The following GALM variants were observed in gnomAD, a reference collection of about 807,000 sequenced individuals.
GALM encodes the protein galactose mutarotase.
GALM carries 43 observed loss-of-function variants against 37.4 expected under a neutral mutation model. That is an observed-to-expected ratio of 1.15 (90% CI 0.90 to 1.48). The LOEUF is 1.48. Ranked by LOEUF, GALM falls within the 40% of genes most tolerant of loss-of-function variation. The pLI is 0.00. For missense variants in GALM, 456 were observed against 419.1 expected (o/e 1.09, Z -0.77); for synonymous variants, 199 against 170.6 (o/e 1.17, Z -1.30).
At chr2:38,671,085 G>C (rs1423186090) in intron 1 of GALM, among the ~76,000 whole-genome samples, 2 of 141,218 alleles carry the variant, frequency 1.4e-5, no homozygotes, top group Non-Finnish European at 3.0e-5. Flanking sequence ...CCCAGGAAAG[G>C]GGGAAGCGTT....
At position 38,681,298 on chromosome 2, in the gene GALM, G is replaced by T; in HGVS notation, c.364G>T (p.Val122Leu). 6.2e-7 allele frequency: 1 copy of T among 1,613,406 alleles called. No homozygotes were observed. Among genetic ancestry groups the T allele is most frequent in the Non-Finnish European group, 8.5e-7 (1 of 1,180,006 alleles). ...GFDKVLWTPRVLSNGVQFSRI... is the reference protein window; with the variant it reads ...GFDKVLWTPRLLSNGVQFSRI... ...TTTCCAGGTGCTCTGGACCCCTCGGGTGCTGTCAAATGGCGTCCAGTTCTC... is the reference window on the plus strand; with the variant it reads ...TTTCCAGGTGCTCTGGACCCCTCGGTTGCTGTCAAATGGCGTCCAGTTCTC... Residue 122 changes from valine to leucine, a missense_variant, in exon 3 of 7, where the codon GTG becomes TTG. Val to Leu is a conservative substitution (Grantham distance 32). Coordinates refer to ENST00000272252, the MANE Select transcript of GALM (RefSeq NM_138801.3).
intron 1 of GALM, among the ~76,000 whole-genome samples, chr2:38,667,970 A>G (rs564661103): frequency 6.6e-6 from 1 of 152,358 alleles, no homozygotes; most frequent in South Asian, 2.1e-4. Context: ...GGGGAGGCCA[A>G]GAAAAATCTG....
chr2:38,666,451 A>T (rs573297367), intron 1 of GALM, 100 bp downstream of exon 1: 2 of 916,362 alleles, frequency 2.2e-6, no homozygotes, highest in Non-Finnish European at 3.3e-6. Context: ...ACCAAGGGGG[A>T]AAGTCGCCTA....
At chr2:38,725,636 G>A (rs1226314901) in intron 4 of GALM, among the ~76,000 whole-genome samples, 1 of 152,166 alleles carries the variant, frequency 6.6e-6, no homozygotes, top group Non-Finnish European at 1.5e-5. Flanking sequence ...GATCACTTGA[G>A]CATAGCAGGA....
Position 38,722,090 on chromosome 2 carries a change from C to T in GALM, c.635-7466C>T, listed in dbSNP as rs373574478. On this transcript the variant is annotated intron_variant, in intron 4 of 6. Coordinates refer to ENST00000272252, the MANE Select transcript of GALM (RefSeq NM_138801.3). Reference sequence around the variant, plus strand: ...AGCGCATCATGCGGGCCGGGTGAGGCGGCTCATGCCTGTAATCCCAGCACT... The same window carrying T: ...AGCGCATCATGCGGGCCGGGTGAGGTGGCTCATGCCTGTAATCCCAGCACT... Among the ~76,000 whole-genome samples, 59 of 123,360 alleles carry T rather than the reference C, an allele frequency of 4.8e-4. No homozygotes were observed. The East Asian group carries it at 5.1e-3, about 11-fold the overall frequency. 80.9% of individuals were successfully genotyped at this position (123,360 alleles called of 152,430 possible).
At chr2:38,706,238 C>T (rs1229329166) in intron 4 of GALM, among the ~76,000 whole-genome samples, 2 of 150,068 alleles carry the variant, frequency 1.3e-5, no homozygotes, top group South Asian at 2.1e-4. Context: ...CTCCTGACCT[C>T]GTGATCCACC....
In GALM at chr2:38,679,247, A is replaced by C. The variant is rs535572884; in HGVS notation, c.346-2033A>C. Among the ~76,000 whole-genome samples the C allele has an allele frequency of 1.4e-4, 21 of 152,302 alleles. No homozygotes were observed. In the South Asian group the frequency reaches 4.4e-3, roughly 32 times the overall value. ...AGTGATCTGCCCGCCTTGGCCTCCC[A>C]AAGTGCTGTGATTACAAGTGTGAGC... On this transcript the variant is annotated intron_variant, in intron 2 of 6. Transcript: ENST00000272252.
chr2:38,717,378 G>A (rs1342197186), intron 4 of GALM, among the ~76,000 whole-genome samples: 2 of 151,362 alleles, frequency 1.3e-5, no homozygotes, highest in Non-Finnish European at 2.9e-5. Context: ...CACACACTAT[G>A]TGCCAGGTAA....
chr2:38,730,998 G>C (rs1666597127), intron 5 of GALM, among the ~76,000 whole-genome samples: 1 of 151,970 alleles, frequency 6.6e-6, no homozygotes, highest in Non-Finnish European at 1.5e-5. Context: ...GGCTGAGGTG[G>C]TCAGATCACC....
In GALM at chr2:38,679,816, T is replaced by C. The variant is rs964878259; in HGVS notation, c.346-1464T>C. On this transcript the variant is annotated intron_variant, in intron 2 of 6. Transcript: ENST00000272252. Reference sequence around the variant, plus strand: ...ATTCAATGAGGATGATGTTACCTACTTTAAGTCTGCTTTGAGACAGATAGA... The same window carrying C: ...ATTCAATGAGGATGATGTTACCTACCTTAAGTCTGCTTTGAGACAGATAGA... Among the ~76,000 whole-genome samples, 8 of 152,192 alleles carry C rather than the reference T, an allele frequency of 5.3e-5. No individual in the cohort carries two copies. The East Asian group carries it at 1.3e-3, about 26-fold the overall frequency.
chr2:38,725,549 T>TATAC (rs1553385146), intron 4 of GALM, among the ~76,000 whole-genome samples: 42 of 148,700 alleles, frequency 2.8e-4, no homozygotes, highest in South Asian at 2.4e-3. Context: ...AACACACACA[T>TATAC]ACACACACAC....
At chr2:38,724,243 A>G (rs1292829582) in intron 4 of GALM, among the ~76,000 whole-genome samples, 1 of 152,198 alleles carries the variant, frequency 6.6e-6, no homozygotes, top group Non-Finnish European at 1.5e-5. Context: ...CAAATAAAAC[A>G]TTGAGAGATT....
Position 38,691,393 on chromosome 2 carries a change from G to A in GALM, c.634+1499G>A, listed in dbSNP as rs546835236. 8.5e-4 allele frequency among the ~76,000 whole-genome samples: 130 copies of A among 152,190 alleles called. 3 individuals carry two copies. The South Asian group carries it at 0.025, about 29-fold the overall frequency. On this transcript the variant is annotated intron_variant, in intron 4 of 6. Coordinates refer to ENST00000272252, the MANE Select transcript of GALM (RefSeq NM_138801.3). ...CTCTAATGGACTGCATAAAACTTGCGTTCGCTGGGTATGGTGGCTCACACC... is the reference window on the plus strand; with the variant it reads ...CTCTAATGGACTGCATAAAACTTGCATTCGCTGGGTATGGTGGCTCACACC...
intron 4 of GALM, among the ~76,000 whole-genome samples, chr2:38,702,446 C>T (rs1237628535): frequency 3.3e-5 from 5 of 152,046 alleles, no homozygotes; most frequent in Non-Finnish European, 7.4e-5. Context: ...CCCTGCTGTG[C>T]ATCCCTTTCC....
chr2:38,669,550 A>G (rs1188735312), intron 1 of GALM: 1 of 152,234 alleles, frequency 6.6e-6, no homozygotes, highest in South Asian at 2.1e-4. Context: ...TAGAAAAATC[A>G]GTAATGCCTC....
At chr2:38,698,103 C>T (rs749112951) in intron 4 of GALM, among the ~76,000 whole-genome samples, 1 of 151,988 alleles carries the variant, frequency 6.6e-6, no homozygotes, top group Non-Finnish European at 1.5e-5. Context: ...ACCACCACGG[C>T]CAGCTAATTT....
At chr2:38,704,198 T>C (rs1184046617) in intron 4 of GALM, among the ~76,000 whole-genome samples, 1 of 151,326 alleles carries the variant, frequency 6.6e-6, no homozygotes, top group Non-Finnish European at 1.5e-5. Context: ...TTTTTATTAT[T>C]TTATTATTTT....
chr2:38,676,792 G>A (rs1665270723), intron 2 of GALM, among the ~76,000 whole-genome samples: 1 of 152,078 alleles, frequency 6.6e-6, no homozygotes, highest in South Asian at 2.1e-4. Flanking sequence ...AATAAATAAA[G>A]GGCCACATGA....
At chr2:38,733,351 G>T in intron 6 of GALM, 137 bp from the exon 7 acceptor site, 1 of 755,772 alleles carries the variant, frequency 1.3e-6, no homozygotes, top group Non-Finnish European at 2.4e-6. Context: ...ATCTCACTAT[G>T]AACCAATCAT....
Sources: allele counts gnomAD v4.1 joint callset (sites outside exome capture counted in the v4.1 genomes callset), GRCh38; gene constraint gnomAD v4.1.1; transcripts MANE v1.5; gene names NCBI Gene and HGNC (gene_info 2026-07-23, HGNC 2026-07-21).